Variants in CFAP70 observed in about 807,000 individuals in gnomAD.
CFAP70 encodes the protein cilia and flagella associated protein 70.
A neutral mutation model predicts 137.6 loss-of-function variants in CFAP70; 81 were observed. The ratio of observed to expected loss-of-function variants is 0.59; its 90% CI spans 0.49 to 0.71. CFAP70 has a LOEUF of 0.71. Ranked by LOEUF, CFAP70 falls within the 30% of genes least tolerant of loss-of-function variation. The pLI, the probability that CFAP70 is intolerant of heterozygous loss-of-function variation, is 0.00. For synonymous variants in CFAP70, 382 were observed against 423.6 expected, an observed-to-expected ratio of 0.90 and a Z score of 1.20; for missense variants, 976 against 1,226.7, an observed-to-expected ratio of 0.80 and a Z score of 3.05.
chr10:73,253,779 C>CAAA, downstream of CFAP70: 1 of 474,474 alleles, frequency 2.1e-6, no homozygotes, highest in South Asian at 4.9e-5. Flanking sequence ...TTTCATATCT[C>CAAA]CATTTTTTTA....
chr10:73,357,561 G>A lies in CFAP70; in HGVS notation c.-40+1153C>T, dbSNP rs556313594. 3.3e-5 allele frequency among the ~76,000 whole-genome samples: 5 copies of A among 152,236 alleles called. No individual in the cohort carries two copies. In the South Asian group the frequency reaches 1.0e-3, roughly 32 times the overall value. On this transcript the variant is annotated intron_variant, in intron 1 of 26. Coordinates refer to ENST00000310715, the Ensembl canonical transcript of CFAP70. ...ACCTTATTAAAGTACAGATCTGATC[G>A]TATCACTGTCTTGTTCCCTCTCACC...
chr10:73,263,359 A>C (rs889241474), intron 25 of CFAP70, among the ~76,000 whole-genome samples: 1 of 152,234 alleles, frequency 6.6e-6, no homozygotes. Flanking sequence ...CCGGGATTAC[A>C]GGCATGAGCC....
chr10:73,311,313 T>A (rs1374079184), intron 11 of CFAP70, among the ~76,000 whole-genome samples: 5 of 152,226 alleles, frequency 3.3e-5, no homozygotes, highest in Non-Finnish European at 7.3e-5. Context: ...TCTCCCTCCA[T>A]CTTCTTATGG....
intron 7 of CFAP70, among the ~76,000 whole-genome samples, chr10:73,334,814 A>G (rs2052474472): frequency 6.6e-6 from 1 of 150,730 alleles, no homozygotes; most frequent in Non-Finnish European, 1.5e-5. Context: ...TCTTGACCTC[A>G]TGATCCACCC....
intron 7 of CFAP70, among the ~76,000 whole-genome samples, chr10:73,334,379 G>A (rs1274150810): frequency 1.3e-5 from 2 of 152,126 alleles, no homozygotes; most frequent in Admixed American, 1.3e-4. Context: ...GGCAGCATGT[G>A]TCCTTTTTAA....
exon 21 of CFAP70, chr10:73,277,272 T>C (rs1195491376): frequency 4.3e-6 from 7 of 1,614,108 alleles, no homozygotes; most frequent in Non-Finnish European, 5.9e-6. Flanking sequence ...AAGAAATGTA[T>C]GGTCTCCATG....
intron 6 of CFAP70, among the ~76,000 whole-genome samples, chr10:73,336,517 T>G (rs2052676525): frequency 6.6e-6 from 1 of 152,052 alleles, no homozygotes; most frequent in African/African-American, 2.4e-5. Flanking sequence ...TTTTATTAAA[T>G]GTTTCCATCA....
In CFAP70 at chr10:73,299,119, A is replaced by G. The variant is rs1278692839; in HGVS notation, c.1318-18T>C. On this transcript the variant is annotated intron_variant, in intron 13 of 26. Transcript: ENST00000310715. ...CTCACTGCCTAAGAAAATACAAAAC[A>G]TCTGGTAGACGCCTCAGAGAGGTCA... 2 of 1,590,242 alleles carry G rather than the reference A, an allele frequency of 1.3e-6. No homozygotes were observed. The highest frequency in any genetic ancestry group is 1.7e-6 in the Non-Finnish European group (2 of 1,165,590).
upstream of CFAP70, among the ~76,000 whole-genome samples, chr10:73,361,915 C>T (rs867017140): frequency 6.6e-6 from 1 of 151,916 alleles, no homozygotes; most frequent in African/African-American, 2.4e-5. Context: ...ATGCAAGGGA[C>T]CCAGAGTAGC....
intron 2 of CFAP70, among the ~76,000 whole-genome samples, chr10:73,354,051 G>T (rs754322648): frequency 6.6e-6 from 1 of 152,042 alleles, no homozygotes; most frequent in Non-Finnish European, 1.5e-5. Context: ...ACGGAGTCTC[G>T]CTCTGTCACC....
At chr10:73,265,815 A>G (rs2045698464) in intron 25 of CFAP70, among the ~76,000 whole-genome samples, 1 of 151,216 alleles carries the variant, frequency 6.6e-6, no homozygotes, top group African/African-American at 2.4e-5. Flanking sequence ...GCTTCATAAT[A>G]AGGCTTGATA....
upstream of CFAP70, among the ~76,000 whole-genome samples, chr10:73,360,859 G>A (rs1467540173): frequency 1.3e-5 from 2 of 152,090 alleles, no homozygotes; most frequent in Non-Finnish European, 2.9e-5. Flanking sequence ...TCCAGAAATC[G>A]CTCATGATCT....
At chr10:73,297,132 T>G (rs1326879269) in exon 15 of CFAP70, 6 of 1,613,688 alleles carry the variant, frequency 3.7e-6, no homozygotes, top group Non-Finnish European at 5.1e-6. Context: ...CAAATGATGT[T>G]GTCTTCAAGT....
intron 25 of CFAP70, among the ~76,000 whole-genome samples, chr10:73,268,278 C>G (rs2045949287): frequency 6.6e-6 from 1 of 152,182 alleles, no homozygotes; most frequent in Admixed American, 6.5e-5. Flanking sequence ...TTTTCAGTTT[C>G]CAAAGGTATA....
intron 4 of CFAP70, among the ~76,000 whole-genome samples, chr10:73,347,692 T>G (rs906757642): frequency 2.0e-5 from 3 of 152,164 alleles, no homozygotes; most frequent in African/African-American, 7.2e-5. Context: ...TATAGAGGTA[T>G]ACAGTAGGTG....
chr10:73,256,583 G>A (rs2044519401), intron 25 of CFAP70, among the ~76,000 whole-genome samples, 167 bp from the exon 27 acceptor site: 1 of 152,056 alleles, frequency 6.6e-6, no homozygotes, highest in Non-Finnish European at 1.5e-5. Flanking sequence ...ATGAAAGGTG[G>A]TAGGGAGAAA....
chr10:73,258,751 C>T (rs1163920480), intron 25 of CFAP70, among the ~76,000 whole-genome samples: 1 of 152,142 alleles, frequency 6.6e-6, no homozygotes, highest in Non-Finnish European at 1.5e-5. Context: ...CTAAAATGGC[C>T]GCTCTGGGAG....
intron 6 of CFAP70, among the ~76,000 whole-genome samples, chr10:73,336,685 G>A (rs2052702549): frequency 1.4e-5 from 2 of 147,374 alleles, no homozygotes; most frequent in East Asian, 2.1e-4. Context: ...CTGGGTTCAC[G>A]CCATTCTCCT....
chr10:73,276,110 T>A (rs150578471), intron 21 of CFAP70: 4,643 of 151,798 alleles, frequency 0.031, 206 homozygotes, highest in Admixed American at 0.12. Flanking sequence ...ATTTTGTTTT[T>A]TTTTTTTTCT....
Sources: gnomAD v4.1 joint callset for allele counts (sites outside exome capture counted in the v4.1 genomes callset) on GRCh38, gnomAD v4.1.1 for gene constraint, MANE v1.5 for transcripts, NCBI Gene and HGNC (gene_info 2026-07-23, HGNC 2026-07-21) for gene names.